Variants in RAD51B observed in about 807,000 individuals in gnomAD.
The protein encoded by RAD51B is DNA repair protein RAD51 homolog 2.
RAD51B carries 38 observed loss-of-function variants against 42.2 expected under a neutral mutation model. The observed-to-expected ratio is 0.90, with a 90% confidence interval of 0.70 to 1.18. The LOEUF (loss-of-function observed/expected upper bound fraction) is 1.18. RAD51B is among the 50% of genes most tolerant of loss of function. The probability of loss-of-function intolerance (pLI) is 0.00; values close to 1 mark genes in which losing one functional copy is unlikely to be tolerated. For missense variants in RAD51B, 373 were observed against 400.7 expected, an observed-to-expected ratio of 0.93 and a Z score of 0.59; for synonymous variants, 154 against 145.2, an observed-to-expected ratio of 1.06 and a Z score of -0.43.
At chr14:68,673,813 CACACAT>C (rs1482883366) in intron 11 of RAD51B, among the ~76,000 whole-genome samples, 5 of 151,846 alleles carry the variant, frequency 3.3e-5, no homozygotes, top group South Asian at 2.1e-4. Flanking sequence ...TATACATGTA[CACACAT>C]ACACATACTG....
chr14:68,074,377 C>CA (rs2076800191), intron 7 of RAD51B, among the ~76,000 whole-genome samples: 1 of 152,154 alleles, frequency 6.6e-6, no homozygotes, highest in South Asian at 2.1e-4. Flanking sequence ...TTTATCATCT[C>CA]AGTTTGTTTC....
chr14:67,861,576 TA>T (rs34392333), intron 4 of RAD51B, among the ~76,000 whole-genome samples: 531 of 138,586 alleles, frequency 3.8e-3, no homozygotes, highest in Middle Eastern at 7.3e-3. Flanking sequence ...AACCTGTCTT[TA>T]AAAAAAAAAA....
intron 7 of RAD51B, among the ~76,000 whole-genome samples, chr14:68,274,250 A>G (rs1473243761): frequency 6.6e-6 from 1 of 152,178 alleles, no homozygotes; most frequent in Non-Finnish European, 1.5e-5. Context: ...TTATATCATA[A>G]TATTCAGTTA....
intron 7 of RAD51B, among the ~76,000 whole-genome samples, chr14:67,913,086 T>C (rs1228330967): frequency 1.3e-5 from 2 of 152,224 alleles, no homozygotes; most frequent in African/African-American, 4.8e-5. Context: ...AAGATTTAAA[T>C]CTTTGACTGT....
intron 7 of RAD51B, among the ~76,000 whole-genome samples, chr14:67,936,805 G>C (rs1403403455): frequency 6.6e-6 from 1 of 152,104 alleles, no homozygotes; most frequent in Non-Finnish European, 1.5e-5. Context: ...TGTCATTGTG[G>C]TTTTTGTTTG....
rs74059650 is a variant in RAD51B, at chr14:68,629,041, T to C, written c.1037-21740T>C. On this transcript the variant is annotated intron_variant, in intron 10 of 11. Transcript: ENST00000488612. Reference sequence around the variant, plus strand: ...GCAAGTTCGGGGCTCGAGAGACGGCTGCAGGAAGGCCATCACCCCTGGCTT... The same window carrying C: ...GCAAGTTCGGGGCTCGAGAGACGGCCGCAGGAAGGCCATCACCCCTGGCTT... 5.0e-3 allele frequency among the ~76,000 whole-genome samples: 760 copies of C among 152,268 alleles called. 3 individuals are homozygous for C. The highest frequency in any genetic ancestry group is 0.018 in the African/African-American group (735 of 41,574).
intron 4 of RAD51B, among the ~76,000 whole-genome samples, chr14:67,842,882 G>C (rs922005037): frequency 5.9e-5 from 9 of 152,244 alleles, no homozygotes; most frequent in South Asian, 4.1e-4. Context: ...TATCATGAAG[G>C]GGTGTTGGAT....
chr14:68,278,430 G>T (rs1017347384), intron 7 of RAD51B, among the ~76,000 whole-genome samples: 1 of 152,210 alleles, frequency 6.6e-6, no homozygotes, highest in Admixed American at 6.5e-5. Flanking sequence ...GTGTTACGAT[G>T]AGGATGAAAG....
At chr14:68,501,928 G>A (rs928190309) in intron 10 of RAD51B, among the ~76,000 whole-genome samples, 4 of 152,238 alleles carry the variant, frequency 2.6e-5, no homozygotes, top group African/African-American at 7.2e-5. Flanking sequence ...GGGCGGAGCC[G>A]AGTGTTCCTC....
chr14:67,851,854 T>A (rs2041817226), intron 4 of RAD51B, among the ~76,000 whole-genome samples: 1 of 150,848 alleles, frequency 6.6e-6, no homozygotes, highest in Non-Finnish European at 1.5e-5. Context: ...CTGAAGTGAT[T>A]ATGTGGGGGT....
chr14:68,159,126 A>G (rs1437872994), intron 7 of RAD51B, among the ~76,000 whole-genome samples: 5 of 152,062 alleles, frequency 3.3e-5, no homozygotes, highest in Admixed American at 3.3e-4. Flanking sequence ...TTATGAGAAT[A>G]GGGGAAATTG....
At position 68,460,602 on chromosome 14, in the gene RAD51B, T is replaced by G. The variant is rs138478951; in HGVS notation, c.958-7570T>G. On this transcript the variant is annotated intron_variant, in intron 9 of 10. Transcript: ENST00000471583. Reference sequence around the variant, plus strand: ...CCTCAGATGAGGGCCACACCTATACTTTAAAAAGGAGGACCCAGACACTAT... The same window carrying G: ...CCTCAGATGAGGGCCACACCTATACGTTAAAAAGGAGGACCCAGACACTAT... Among the ~76,000 whole-genome samples the G allele has an allele frequency of 3.0e-4, 45 of 152,274 alleles. 2 individuals are homozygous for G. The East Asian group carries it at 8.7e-3, about 29-fold the overall frequency.
chr14:68,089,511 G>A (rs907786364), intron 7 of RAD51B, among the ~76,000 whole-genome samples: 2 of 151,976 alleles, frequency 1.3e-5, no homozygotes, highest in African/African-American at 2.4e-5. Flanking sequence ...GGTTCCCTGG[G>A]GTGTATCAGA....
At chr14:68,263,229 A>G (rs1052785098) in intron 7 of RAD51B, among the ~76,000 whole-genome samples, 1 of 152,242 alleles carries the variant, frequency 6.6e-6, no homozygotes, top group Non-Finnish European at 1.5e-5. Context: ...CTAACCAGCA[A>G]GAGTGTTTGA....
chr14:68,364,439 G>A (rs1594731893), intron 8 of RAD51B, among the ~76,000 whole-genome samples: 1 of 152,166 alleles, frequency 6.6e-6, no homozygotes, highest in Non-Finnish European at 1.5e-5. Flanking sequence ...GAGACTCCTG[G>A]GGCCGGCAAG....
At chr14:68,567,576 T>G (rs1179550483) in intron 10 of RAD51B, among the ~76,000 whole-genome samples, 2 of 152,250 alleles carry the variant, frequency 1.3e-5, no homozygotes, top group African/African-American at 4.8e-5. Flanking sequence ...GGTAACACCA[T>G]GTATCCACCA....
At chr14:68,002,440 T>C (rs2075502886) in intron 7 of RAD51B, among the ~76,000 whole-genome samples, 1 of 152,206 alleles carries the variant, frequency 6.6e-6, no homozygotes, top group African/African-American at 2.4e-5. Context: ...TAGACCTTTG[T>C]CAGACAGATA....
chr14:68,530,123 A>G (rs1594946094), intron 10 of RAD51B, among the ~76,000 whole-genome samples: 2 of 151,720 alleles, frequency 1.3e-5, no homozygotes, highest in East Asian at 1.9e-4. Context: ...TAGTAAACCT[A>G]TCTACCTCAA....
intron 7 of RAD51B, among the ~76,000 whole-genome samples, chr14:68,154,599 A>G (rs894191676): frequency 2.0e-5 from 3 of 152,126 alleles, no homozygotes; most frequent in Admixed American, 2.0e-4. Flanking sequence ...TCCTCACTTC[A>G]GGGAGCCTGT....
Sources: gnomAD v4.1 joint callset for allele counts (sites outside exome capture counted in the v4.1 genomes callset) on GRCh38, gnomAD v4.1.1 for gene constraint, MANE v1.5 for transcripts, NCBI Gene and HGNC (gene_info 2026-07-23, HGNC 2026-07-21) for gene names.